The following CCZ1 variants were observed in gnomAD, a reference collection of about 807,000 sequenced individuals.
The protein encoded by CCZ1 is CCZ1 vacuolar protein trafficking and biogenesis associated, also known as vacuolar fusion protein CCZ1 homolog.
CCZ1 carries 19 observed loss-of-function variants against 57.8 expected under a neutral mutation model. That is an observed-to-expected ratio of 0.33 (90% confidence interval 0.23 to 0.48). The LOEUF (loss-of-function observed/expected upper bound fraction) is 0.48. Among genes scored for constraint, CCZ1 ranks in the 20% least tolerant of loss-of-function variants. The pLI, the probability that CCZ1 is intolerant of heterozygous loss-of-function variation, is 0.99. For missense variants in CCZ1, 200 were observed against 492.0 expected (o/e 0.41, Z 5.61); for synonymous variants, 81 against 167.0 (o/e 0.49, Z 3.97).
chr7:5,905,039 G>T, intron 6 of CCZ1, 55 bp from the exon 7 acceptor site: 1 of 1,421,726 alleles, frequency 7.0e-7, no homozygotes, highest in Non-Finnish European at 9.7e-7. Context: ...TTATCAAGGA[G>T]CATTATATTC....
In CCZ1 at chr7:5,920,411, C is replaced by T. The variant is rs926721325; in HGVS notation, c.1106+445C>T. ...AAGTGTCTACACTGAGTGGGAGAGG[C>T]GGGATTCACTCCTCCGGCTCTCTAG... On this transcript the variant is annotated intron_variant, in intron 12 of 14. Coordinates refer to ENST00000325974, the MANE Select transcript of CCZ1 (RefSeq NM_015622.6). Among the ~76,000 whole-genome samples, 8 of 115,648 alleles carry T rather than the reference C, an allele frequency of 6.9e-5. No homozygotes were observed. In the East Asian group the frequency reaches 9.2e-4, roughly 13 times the overall value. The allele number at this position is 115,648 out of a possible 152,430, so 75.9% of individuals were successfully genotyped here.
At chr7:5,905,902 C>CTTTTTTTTTTTTTTTTTTTTTTTTTT (rs148585423) in intron 7 of CCZ1, among the ~76,000 whole-genome samples, 1 of 93,012 alleles carries the variant, frequency 1.1e-5, no homozygotes, top group Non-Finnish European at 1.9e-5. Flanking sequence ...ATTTTTATAC[C>CTTTTTTTTTTTTTTTTTTTTTTTTTT]TTTTTTTTTT....
intron 10 of CCZ1, 89 bp from the exon 11 acceptor site, chr7:5,918,778 C>CT: frequency 1.8e-6 from 1 of 552,810 alleles, no homozygotes; most frequent in South Asian, 2.0e-5. Context: ...CAGTTGACTT[C>CT]TCCCCATTGA....
rs1238253944 is a variant in CCZ1 at position 5,926,259 on chromosome 7, C to A, written c.*572C>A. On this transcript the variant is annotated 3_prime_UTR_variant, in exon 15 of 15. Coordinates refer to ENST00000325974, the MANE Select transcript of CCZ1 (RefSeq NM_015622.6). ...GTAGGAAACCTGAGATGCAGTGGGC[C>A]AAGGGGTATGTTAAAACACTGTGAC... 1 of 652,124 alleles carries A rather than the reference C, an allele frequency of 1.5e-6. No individual in the cohort carries two copies. Among genetic ancestry groups the A allele is most frequent in the Non-Finnish European group, 2.6e-6 (1 of 384,250 alleles). 40.4% of individuals were successfully genotyped at this position (652,124 alleles called of 1,614,324 possible).
At chr7:5,909,949 ATTT>A (rs994502415) in intron 7 of CCZ1, 83 bp from the exon 8 acceptor site, 4 of 1,197,436 alleles carry the variant, frequency 3.3e-6, no homozygotes, top group East Asian at 2.5e-5. Context: ...TGAAAAAAAA[ATTT>A]TTGTTTAATG....
intron 10 of CCZ1, among the ~76,000 whole-genome samples, chr7:5,916,513 T>TTTTTTTTGG (rs1554282650): frequency 7.8e-6 from 1 of 128,986 alleles, no homozygotes; most frequent in African/African-American, 3.0e-5. Context: ...TTGTTTTTTT[T>TTTTTTTTGG]TTTTTTGGTT....
chr7:5,903,357 G>T (rs1315120741), intron 6 of CCZ1, among the ~76,000 whole-genome samples: 1 of 143,828 alleles, frequency 7.0e-6, no homozygotes, highest in African/African-American at 2.6e-5. Flanking sequence ...GGTTTCAAGC[G>T]ATCTTCCCTC....
In CCZ1 at chr7:5,910,706, T is replaced by TTTTATTTTATTTATTTATTTA. The variant is rs750179208; in HGVS notation, c.780+597_780+598insTATTTATTTATTTATTTATTT. Among the ~76,000 whole-genome samples, 44 of 123,714 alleles carry TTTTATTTTATTTATTTATTTA rather than the reference T, an allele frequency of 3.6e-4. 1 individual carries two copies. The highest frequency in any genetic ancestry group is 4.3e-3 in the Middle Eastern group (1 of 230). The allele number at this position is 123,714 out of a possible 152,430, so 81.2% of individuals were successfully genotyped here. A position where few individuals can be genotyped will look rare whatever the true frequency, so the allele number is the denominator to read the frequency against. On this transcript the variant is annotated intron_variant, in intron 8 of 14. Transcript: ENST00000325974. Reference sequence around the variant, plus strand: ...CTTTACTTTTAATTTATGTATTTTATTTTATTTATTTATTTATTTATTTAT... The same window carrying TTTTATTTTATTTATTTATTTA: ...CTTTACTTTTAATTTATGTATTTTATTTTATTTTATTTATTTATTTATTTATTTATTTATTTATTTATTTAT...
At chr7:5,905,656 C>T (rs1423594161) in intron 7 of CCZ1, among the ~76,000 whole-genome samples, 1 of 143,328 alleles carries the variant, frequency 7.0e-6, no homozygotes, top group Non-Finnish European at 1.5e-5. Context: ...GTGGTGCATG[C>T]CTGTAATCCC....
chr7:5,904,908 A>G (rs1323304080), intron 6 of CCZ1, among the ~76,000 whole-genome samples, 186 bp from the exon 7 acceptor site: 2 of 148,432 alleles, frequency 1.3e-5, no homozygotes, highest in African/African-American at 2.5e-5. Flanking sequence ...GTATCTTGGA[A>G]TTGGTACTGA....
At chr7:5,922,944 A>G (rs528694702) in intron 12 of CCZ1, among the ~76,000 whole-genome samples, 1 of 150,066 alleles carries the variant, frequency 6.7e-6, no homozygotes, top group South Asian at 2.1e-4. Context: ...AAACTACTCA[A>G]CTGTCATTTT....
chr7:5,904,380 C>A, intron 6 of CCZ1, among the ~76,000 whole-genome samples: 1 of 146,022 alleles, frequency 6.8e-6, no homozygotes, highest in African/African-American at 2.6e-5. Context: ...GCCGCTGTGC[C>A]TGGCCAGGAA....
Position 5,911,935 on chromosome 7 carries a change from T to C in CCZ1, c.842+13T>C. The C allele has an allele frequency of 1.3e-6, 2 of 1,564,460 alleles. No homozygotes were observed. The highest frequency in any genetic ancestry group is 1.7e-6 in the Non-Finnish European group (2 of 1,158,832). On this transcript the variant is annotated intron_variant, in intron 9 of 14. Coordinates refer to ENST00000325974, the MANE Select transcript of CCZ1 (RefSeq NM_015622.6). ...AACACTATGGAAGGTAGGACTTCTG[T>C]TCTTTGATTTATGATACTGGGTTTT...
At chr7:5,900,782 GT>G (rs1201546077) in intron 3 of CCZ1, 72 bp from the exon 4 acceptor site, 1 of 1,573,000 alleles carries the variant, frequency 6.4e-7, no homozygotes, top group Non-Finnish European at 8.6e-7. Context: ...CATGTTCAAA[GT>G]TTTTAAATTA....
intron 8 of CCZ1, among the ~76,000 whole-genome samples, chr7:5,910,706 T>TTTTATTTTATTTATTTATTTATTTA (rs750179208): frequency 1.6e-5 from 2 of 123,714 alleles, no homozygotes; most frequent in Non-Finnish European, 1.7e-5. Context: ...ATGTATTTTA[T>TTTTATTTTATTTATTTATTTATTTA]TTTATTTATT....
Position 5,910,472 on chromosome 7 carries a change from G to A in CCZ1, c.780+356G>A, listed in dbSNP as rs1348932405. ...CTCCCAAGTACCTGGGATTACAGGT[G>A]CCTGCCACCACGCCCAGCTAATTTT... On this transcript the variant is annotated intron_variant, in intron 8 of 14. Coordinates refer to ENST00000325974, the MANE Select transcript of CCZ1 (RefSeq NM_015622.6). Among the ~76,000 whole-genome samples the A allele has an allele frequency of 2.7e-5, 4 of 147,816 alleles. 1 individual carries two copies.
rs1242500193 is a variant in CCZ1 at position 5,911,917 on chromosome 7, T to C, written c.837T>C (p.Tyr279=). The change falls in exon 9 of 15, where the codon TAT becomes TAC. Residue 279 remains tyrosine (Y), a synonymous_variant. Coordinates refer to ENST00000325974, the MANE Select transcript of CCZ1 (RefSeq NM_015622.6). The part of the protein sequence containing the change: ...RAEMPGNLQH[Y]GRFLTGPLNL... ...AAATGCCAGGAAATCTTCAACACTA[T>C]GGAAGGTAGGACTTCTGTTCTTTGA... 1 of 1,583,080 alleles carries C rather than the reference T, an allele frequency of 6.3e-7. No individual in the cohort carries two copies.
chr7:5,903,216 G>T (rs1693034149), intron 6 of CCZ1, among the ~76,000 whole-genome samples: 1 of 147,842 alleles, frequency 6.8e-6, no homozygotes. Flanking sequence ...GGGGAGATTT[G>T]TTCCAAGTGC....
intron 7 of CCZ1, among the ~76,000 whole-genome samples, chr7:5,909,689 C>A (rs1781921226): frequency 8.1e-6 from 1 of 123,304 alleles, no homozygotes; most frequent in Non-Finnish European, 1.7e-5. Flanking sequence ...CAGAGCAAGA[C>A]CTTGTCTCAA....
Sources: gnomAD v4.1 joint callset for allele counts (sites outside exome capture counted in the v4.1 genomes callset) on GRCh38, gnomAD v4.1.1 for gene constraint, MANE v1.5 for transcripts, NCBI Gene and HGNC (gene_info 2026-07-23, HGNC 2026-07-21) for gene names.